The following THADA variants were observed in gnomAD, a reference collection of about 807,000 sequenced individuals.
The protein encoded by THADA is THADA armadillo repeat containing.
THADA carries 213 observed loss-of-function variants against 219.8 expected under a neutral mutation model. The ratio of observed to expected loss-of-function variants is 0.97; its 90% CI spans 0.87 to 1.09. THADA has a LOEUF of 1.09. Among genes scored for constraint, THADA ranks in the 50% least tolerant of loss-of-function variants. THADA has a pLI of 0.00. For missense variants in THADA, 2,956 were observed against 2,311.3 expected, an observed-to-expected ratio of 1.28 and a Z score of -5.72; for synonymous variants, 1,018 against 828.9, an observed-to-expected ratio of 1.23 and a Z score of -3.92.
chr2:43,467,031 A>C (rs1684324978), intron 26 of THADA, among the ~76,000 whole-genome samples: 2 of 151,464 alleles, frequency 1.3e-5, no homozygotes, highest in African/African-American at 4.9e-5. Context: ...AAATACAAAA[A>C]ATTAGCCAGG....
rs545941829 is a variant in THADA, at chr2:43,417,171, GT to G, written c.4058+10928del. Among the ~76,000 whole-genome samples, 432 of 137,222 alleles carry G rather than the reference GT, an allele frequency of 3.1e-3. 2 individuals carry two copies. Among genetic ancestry groups the G allele is most frequent in the African/African-American group, 9.0e-3 (337 of 37,346 alleles). The allele number at this position is 137,222 out of a possible 152,430, so 90.0% of individuals were successfully genotyped here. A position where few individuals can be genotyped will look rare whatever the true frequency, so the allele number is the denominator to read the frequency against. ...TCTTATGTAAACATTTGCTATTATT[GT>G]TTTTTTTTTCTAGCAACCCTAAAGA... On this transcript the variant is annotated intron_variant, in intron 28 of 37. Coordinates refer to ENST00000405975, the MANE Select transcript of THADA (RefSeq NM_022065.5).
At chr2:43,563,171 T>C (rs946720638) in intron 15 of THADA, 6 of 152,244 alleles carry the variant, frequency 3.9e-5, no homozygotes, top group Non-Finnish European at 7.3e-5. Context: ...GATCTTTTAA[T>C]GTAGGCATTT....
intron 36 of THADA, among the ~76,000 whole-genome samples, chr2:43,234,443 G>A (rs995029731): frequency 3.3e-5 from 5 of 152,134 alleles, no homozygotes; most frequent in African/African-American, 1.2e-4. Context: ...TGCTTGCTCT[G>A]CAGCCTAGAA....
chr2:43,295,300 G>C (rs920337067), intron 31 of THADA, among the ~76,000 whole-genome samples: 1 of 152,230 alleles, frequency 6.6e-6, no homozygotes, highest in Admixed American at 6.5e-5. Flanking sequence ...ATGTGGGCAA[G>C]CTGGAGGGTG....
At chr2:43,291,506 G>C (rs1482135098) in intron 34 of THADA, among the ~76,000 whole-genome samples, 190 bp downstream of exon 34, 5 of 124,418 alleles carry the variant, frequency 4.0e-5, no homozygotes, top group Admixed American at 1.6e-4. Flanking sequence ...GAAAAGAAAG[G>C]TGGTGTCCAA....
At chr2:43,245,481 C>G (rs1320208395) in intron 36 of THADA, among the ~76,000 whole-genome samples, 1 of 152,166 alleles carries the variant, frequency 6.6e-6, no homozygotes, top group African/African-American at 2.4e-5. Flanking sequence ...CAACTTCTTT[C>G]TTTTATAAGA....
At chr2:43,501,446 T>C (rs1015441715) in intron 24 of THADA, among the ~76,000 whole-genome samples, 3 of 149,842 alleles carry the variant, frequency 2.0e-5, no homozygotes, top group African/African-American at 7.4e-5. Context: ...CTTAAAAAGA[T>C]AATTTTTCCC....
intron 28 of THADA, among the ~76,000 whole-genome samples, chr2:43,419,539 T>A (rs1056345650): frequency 6.6e-6 from 1 of 152,226 alleles, no homozygotes; most frequent in African/African-American, 2.4e-5. Context: ...TGAAGCCTTC[T>A]ATAATTTATC....
chr2:43,286,935 A>C lies in THADA; in HGVS notation c.5137T>G (p.Phe1713Val). Residue 1713 changes from phenylalanine (F) to valine (V), a missense_variant, in exon 35 of 38, where the codon TTC (phenylalanine) becomes GTC (valine). Phe to Val is a conservative substitution (Grantham distance 50). Transcript: ENST00000405975. Reference sequence around the variant, plus strand: ...AGAATAGGATGGGGGTTGGTGAGGAAAAGTGGTGTAGTACTGGTGAGGACT... The same window carrying C: ...AGAATAGGATGGGGGTTGGTGAGGACAAGTGGTGTAGTACTGGTGAGGACT... ...VEVLTSTTPL[F>V]LTNPHPILEL... 6.2e-7 allele frequency: 1 copy of C among 1,613,404 alleles called. No homozygotes were observed. Among genetic ancestry groups the C allele is most frequent in the Non-Finnish European group, 8.5e-7 (1 of 1,179,428 alleles).
intron 29 of THADA, among the ~76,000 whole-genome samples, chr2:43,354,962 C>T (rs1160108298): frequency 6.6e-6 from 1 of 152,118 alleles, no homozygotes; most frequent in Non-Finnish European, 1.5e-5. Flanking sequence ...GCTGCCACCA[C>T]GAAAAGGATG....
intron 36 of THADA, among the ~76,000 whole-genome samples, chr2:43,268,261 T>C (rs938843617): frequency 2.0e-5 from 3 of 152,198 alleles, no homozygotes; most frequent in African/African-American, 7.2e-5. Flanking sequence ...AGAGCACATC[T>C]CTTGAATCCC....
chr2:43,551,140 T>C (rs1455891811), intron 19 of THADA, among the ~76,000 whole-genome samples: 3 of 152,214 alleles, frequency 2.0e-5, no homozygotes, highest in Admixed American at 6.5e-5. Flanking sequence ...TATTTCAGCA[T>C]ATGGTTCAGT....
intron 26 of THADA, among the ~76,000 whole-genome samples, chr2:43,455,924 G>A (rs1050615713): frequency 1.3e-5 from 2 of 152,118 alleles, no homozygotes; most frequent in African/African-American, 2.4e-5. Flanking sequence ...ACCACACTGT[G>A]GTAGCTCTTT....
chr2:43,278,173 A>C (rs761776276), intron 36 of THADA, among the ~76,000 whole-genome samples: 1 of 151,912 alleles, frequency 6.6e-6, no homozygotes, highest in Non-Finnish European at 1.5e-5. Context: ...CTAGTCTTGA[A>C]CTTCTGACCG....
intron 28 of THADA, among the ~76,000 whole-genome samples, chr2:43,400,457 T>TTTTATATATATATA (rs1553427508): frequency 1.1e-5 from 1 of 89,904 alleles, no homozygotes; most frequent in African/African-American, 3.9e-5. Context: ...ATAGACAAAT[T>TTTTATATATATATA]TATATATATA....
chr2:43,455,111 T>C (rs1250964929), intron 26 of THADA, among the ~76,000 whole-genome samples: 1 of 152,220 alleles, frequency 6.6e-6, no homozygotes, highest in Non-Finnish European at 1.5e-5. Flanking sequence ...AATGTTCAAC[T>C]GCCTGATAAT....
At chr2:43,236,000 G>A (rs1263131571) in intron 36 of THADA, among the ~76,000 whole-genome samples, 1 of 152,096 alleles carries the variant, frequency 6.6e-6, no homozygotes, top group Non-Finnish European at 1.5e-5. Context: ...TAATAGAGAC[G>A]GGGTTTCACC....
chr2:43,326,025 T>A (rs1679280566), intron 30 of THADA, among the ~76,000 whole-genome samples: 1 of 152,350 alleles, frequency 6.6e-6, no homozygotes, highest in East Asian at 1.9e-4. Flanking sequence ...CCCTCTCTGT[T>A]GCATTTTTGG....
rs905673431 is a variant in THADA at position 43,410,286 on chromosome 2, C to G, written c.4059-12147G>C. On this transcript the variant is annotated intron_variant, in intron 28 of 37. Transcript: ENST00000405975. ...ATGGAACAATTAGAATTCTCATACT[C>G]TACTAGTGGGAATGTATAATCACTC... is the stretch of plus-strand genomic sequence containing the variant. Among the ~76,000 whole-genome samples the G allele has an allele frequency of 3.9e-5, 6 of 152,284 alleles. No individual in the cohort carries two copies. The South Asian group carries it at 1.0e-3, about 26-fold the overall frequency.
Sources: gnomAD v4.1 joint callset for allele counts (sites outside exome capture counted in the v4.1 genomes callset) on GRCh38, gnomAD v4.1.1 for gene constraint, MANE v1.5 for transcripts, NCBI Gene and HGNC (gene_info 2026-07-23, HGNC 2026-07-21) for gene names.